NF1: variants seen among roughly 807,000 people sequenced by gnomAD.
The protein encoded by NF1 is neurofibromin 1.
In NF1, 122 loss-of-function variants were observed where a neutral mutation model predicts 325.7. The observed-to-expected ratio is 0.37, with a 90% CI of 0.32 to 0.44. NF1 has a LOEUF of 0.44. NF1 is among the 20% of genes least tolerant of loss of function. NF1 has a pLI of 1.00. For missense variants in NF1, 2,140 were observed against 3,415.4 expected, an observed-to-expected ratio of 0.63 and a Z score of 9.31; for synonymous variants, 1,091 against 1,186.0, an observed-to-expected ratio of 0.92 and a Z score of 1.65.
At chr17:31,209,042 T>C (rs925552728) in intron 12 of NF1, among the ~76,000 whole-genome samples, 6 of 152,182 alleles carry the variant, frequency 3.9e-5, no homozygotes, top group African/African-American at 1.4e-4. Flanking sequence ...ATAACTCTGT[T>C]ATAGGGGGCT....
intron 1 of NF1, among the ~76,000 whole-genome samples, chr17:31,116,696 CTTGCCCTG>C (rs896200712): frequency 6.6e-6 from 1 of 152,030 alleles, no homozygotes; most frequent in African/African-American, 2.4e-5. Flanking sequence ...GAGACGGAGT[CTTGCCCTG>C]TCGCCCAGGC....
At chr17:31,228,948 G>C in intron 20 of NF1, 77 bp from the exon 21 acceptor site, 1 of 1,157,382 alleles carries the variant, frequency 8.6e-7, no homozygotes, top group Non-Finnish European at 1.2e-6. Context: ...TGGAAGAAAT[G>C]TTGGATAAAG....
intron 36 of NF1, among the ~76,000 whole-genome samples, chr17:31,270,704 G>A (rs2067877374): frequency 6.6e-6 from 1 of 152,168 alleles, no homozygotes. Flanking sequence ...ATTGCTTTTT[G>A]GGTGGTAGTA....
chr17:31,349,381 G>A, intron 49 of NF1, 130 bp downstream of exon 49: 1 of 844,278 alleles, frequency 1.2e-6, no homozygotes, highest in Non-Finnish European at 1.8e-6. Flanking sequence ...TAGTCCTTTA[G>A]TGGTGGTTAC....
chr17:31,310,646 T>A lies in NF1; in HGVS notation c.4836-15174T>A, dbSNP rs190405244. On this transcript the variant is annotated intron_variant, in intron 36 of 57. Coordinates refer to ENST00000358273, the MANE Select transcript of NF1 (RefSeq NM_001042492.3). ...CCTTACCATCCTCTCCCTTTTTTTTTCCCTGACACTATCCAGAAGCATACC... is the reference window on the plus strand; with the variant it reads ...CCTTACCATCCTCTCCCTTTTTTTTACCCTGACACTATCCAGAAGCATACC... Among the ~76,000 whole-genome samples, 718 of 152,212 alleles carry A rather than the reference T, an allele frequency of 4.7e-3. 7 individuals are homozygous for A. The highest frequency in any genetic ancestry group is 7.5e-3 in the Non-Finnish European group (512 of 68,006).
At chr17:31,222,128 T>C (rs1275995951) in intron 15 of NF1, 199 bp downstream of exon 15, 115 of 1,290,018 alleles carry the variant, frequency 8.9e-5, no homozygotes, top group Non-Finnish European at 8.7e-5. Flanking sequence ...ATTTAGAAAA[T>C]AAATTTTAAG....
At chr17:31,144,550 A>C (rs61088164) in intron 1 of NF1, among the ~76,000 whole-genome samples, 1 of 152,314 alleles carries the variant, frequency 6.6e-6, no homozygotes, top group African/African-American at 2.4e-5. Flanking sequence ...TGTTGCTGAC[A>C]CTGGAGAATC....
Position 31,190,331 on chromosome 17 carries a change from T to G in NF1, c.888+7666T>G, listed in dbSNP as rs543409544. 4.5e-3 allele frequency among the ~76,000 whole-genome samples: 678 copies of G among 152,262 alleles called. 6 individuals are homozygous for G. The highest frequency in any genetic ancestry group is 0.016 in the African/African-American group (647 of 41,534). On this transcript the variant is annotated intron_variant, in intron 8 of 57. Transcript: ENST00000358273. ...CTCACATTCCTTCTGAGCTGGTTAG[T>G]GTTATTGGCTGGTATGTATCCTTCC...
rs369754180 is a variant in NF1, at chr17:31,349,235, C to T, written c.7305C>T (p.Ser2435=). 9.9e-6 allele frequency: 16 copies of T among 1,612,894 alleles called. No homozygotes were observed. The highest frequency in any genetic ancestry group is 6.6e-5 in the South Asian group (6 of 91,026). Residue 2435 remains serine, a synonymous_variant, in exon 49 of 58, where the codon AGC becomes AGT. Transcript: ENST00000358273. ...ACAAATTTGAAGTGAATACACAGAG[C>T]GTGGCCTACTTAGCAGGTAAAAACA... ...NCDKFEVNTQ[S]VAYLAALLTV...
At chr17:31,234,684 A>G (rs1301667615) in intron 27 of NF1, among the ~76,000 whole-genome samples, 1 of 151,324 alleles carries the variant, frequency 6.6e-6, no homozygotes, top group African/African-American at 2.4e-5. Flanking sequence ...AAAAAAAAAA[A>G]AAAAAAAAAA....
At chr17:31,344,898 C>T (rs1207975891) in intron 48 of NF1, among the ~76,000 whole-genome samples, 2 of 152,140 alleles carry the variant, frequency 1.3e-5, no homozygotes, top group Non-Finnish European at 2.9e-5. Context: ...CATGGTGAAA[C>T]CCCTGCTTGA....
At chr17:31,149,575 C>A (rs1340178796) in intron 1 of NF1, among the ~76,000 whole-genome samples, 1 of 152,060 alleles carries the variant, frequency 6.6e-6, no homozygotes, top group African/African-American at 2.4e-5. Flanking sequence ...TTTATTCAGA[C>A]CAGCGTTCAT....
At chr17:31,326,607 A>T (rs764591468) in intron 37 of NF1, among the ~76,000 whole-genome samples, 7 of 152,156 alleles carry the variant, frequency 4.6e-5, no homozygotes, top group Non-Finnish European at 8.8e-5. Context: ...AGATTGCGCC[A>T]CTGCACTCCA....
At chr17:31,200,992 G>C (rs2143877828) in intron 9 of NF1, 45 bp from the exon 10 acceptor site, 1 of 1,609,854 alleles carries the variant, frequency 6.2e-7, no homozygotes, top group African/African-American at 1.3e-5. Context: ...AAGAAATACT[G>C]CATGGGTATT....
Position 31,374,042 on chromosome 17 carries a change from C to A in NF1, c.8407C>A (p.Pro2803Thr), listed in dbSNP as rs779180729. The part of the protein sequence containing the change: ...GIDKENVELS[P>T]TTGHCNSGRT... ...CGACAAGGAGAACGTTGAACTCTCC[C>A]CTACCACTGGCCACTGTAACAGTGG... Residue 2803 changes from proline to threonine, a missense_variant, in exon 58 of 58, where the codon CCT becomes ACT. Physicochemically the swap from Pro to Thr is conservative, Grantham distance 38 (BLOSUM62 -1). Around this residue, in one of 10 missense-constraint regions of NF1, gnomAD observed 522 missense variants for 749.0 expected, o/e 0.70. Coordinates refer to ENST00000358273, the MANE Select transcript of NF1 (RefSeq NM_001042492.3). 10 of 1,614,074 alleles carry A rather than the reference C, an allele frequency of 6.2e-6. 1 individual carries two copies. The East Asian group carries it at 2.2e-4, about 36-fold the overall frequency.
At chr17:31,345,775 T>A in intron 48 of NF1, 1 of 1,613,474 alleles carries the variant, frequency 6.2e-7, no homozygotes, top group Admixed American at 1.7e-5. Context: ...CAGCACTGGC[T>A]CCTTGATGGT....
chr17:31,139,086 C>T (rs778856385), intron 1 of NF1, among the ~76,000 whole-genome samples: 2 of 151,950 alleles, frequency 1.3e-5, no homozygotes, highest in African/African-American at 2.4e-5. Context: ...CTCATTCTCT[C>T]GCCCAAGCTA....
At chr17:31,245,681 AGGG>A (rs2067377389) in intron 29 of NF1, among the ~76,000 whole-genome samples, 1 of 152,220 alleles carries the variant, frequency 6.6e-6, no homozygotes, top group Admixed American at 6.5e-5. Flanking sequence ...GCATGTGGGA[AGGG>A]GCTTGCAGCT....
chr17:31,308,145 C>CTT (rs953335153), intron 36 of NF1, among the ~76,000 whole-genome samples: 1 of 145,640 alleles, frequency 6.9e-6, no homozygotes. Context: ...CTTCCTTTTT[C>CTT]TTTTTTTTTT....
Sources: allele counts gnomAD v4.1 joint callset (sites outside exome capture counted in the v4.1 genomes callset), GRCh38; gene constraint gnomAD v4.1.1; regional missense constraint gnomAD v4.1.1; transcripts MANE v1.5; gene names NCBI Gene and HGNC (gene_info 2026-07-23, HGNC 2026-07-21).